GLIS3: variants seen among roughly 807,000 people sequenced by gnomAD.
GLIS3 encodes the protein GLIS family zinc finger 3.
Under a neutral mutation model 78.6 loss-of-function variants are expected in GLIS3, and 53 were observed. The ratio of observed to expected loss-of-function variants is 0.67; its 90% CI spans 0.54 to 0.85. The LOEUF is 0.85. Among genes scored for constraint, GLIS3 ranks in the 40% least tolerant of loss-of-function variants. GLIS3 has a pLI of 0.00. For synonymous variants in GLIS3, 684 were observed against 509.9 expected (o/e 1.34, Z -4.60); for missense variants, 1,703 against 1,231.1 (o/e 1.38, Z -5.74).
chr9:4,427,478 T>C, the GLIS3 span, among the ~76,000 whole-genome samples: 2 of 152,140 alleles, frequency 1.3e-5, no homozygotes, highest in South Asian at 2.1e-4. Flanking sequence ...CACTCTTATA[T>C]TCCTTGAGCC....
At chr9:4,409,566 T>C in the GLIS3 span, among the ~76,000 whole-genome samples, 1 of 152,162 alleles carries the variant, frequency 6.6e-6, no homozygotes, top group Non-Finnish European at 1.5e-5. Flanking sequence ...TTATGGAACA[T>C]ACACAATGAG....
intron 4 of GLIS3, among the ~76,000 whole-genome samples, chr9:3,965,038 T>C (rs2130897230): frequency 6.6e-6 from 1 of 152,022 alleles, no homozygotes; most frequent in East Asian, 1.9e-4. Context: ...TGAAATAAAA[T>C]ACTCTGAGGG....
chr9:4,077,492 G>C (rs530328873), intron 4 of GLIS3, among the ~76,000 whole-genome samples: 4 of 152,314 alleles, frequency 2.6e-5, no homozygotes, highest in Admixed American at 2.0e-4. Context: ...AAAAAGGAAA[G>C]AGATTTTGTT....
At position 4,286,248 on chromosome 9, in the gene GLIS3, G is replaced by T. The variant is rs778971209; in HGVS notation, c.178C>A (p.Leu60Ile). Residue 60 changes from leucine (L) to isoleucine (I), a missense_variant, in exon 2 of 11, where the codon CTC (leucine) becomes ATC (isoleucine). By Grantham distance (5) the Leu-to-Ile change is conservative (BLOSUM62 2). Coordinates refer to ENST00000381971, the MANE Select transcript of GLIS3 (RefSeq NM_001042413.2). ...TMASLANNLH[L>I]KMPSGGGMAP... ...ATCCCTCCTCCTGAGGGCATCTTGA[G>T]ATGGAGGTTGTTAGCAAGGCTTGCC... 1 of 1,614,124 alleles carries T rather than the reference G, an allele frequency of 6.2e-7. No individual in the cohort carries two copies. The highest frequency in any genetic ancestry group is 8.5e-7 in the Non-Finnish European group (1 of 1,180,048).
chr9:4,157,527 C>A (rs7027521), intron 2 of GLIS3, among the ~76,000 whole-genome samples: 1 of 151,904 alleles, frequency 6.6e-6, no homozygotes, highest in African/African-American at 2.4e-5. Flanking sequence ...AGGGAACGAT[C>A]TATCATTCAA....
At chr9:4,135,236 A>G in intron 2 of GLIS3, among the ~76,000 whole-genome samples, 1 of 152,202 alleles carries the variant, frequency 6.6e-6, no homozygotes, top group East Asian at 1.9e-4. Flanking sequence ...AAATTTAAAA[A>G]TAATATGTAT....
intron 2 of GLIS3, among the ~76,000 whole-genome samples, chr9:4,345,582 T>C (rs10758609): frequency 0.99 from 150,227 of 152,316 alleles, 74,118 homozygotes; most frequent in Middle Eastern, 1. Flanking sequence ...ACAGGTTCCA[T>C]GTATCTTACC....
intron 4 of GLIS3, among the ~76,000 whole-genome samples, chr9:4,097,616 T>C (rs1434252880): frequency 1.3e-5 from 2 of 152,200 alleles, no homozygotes; most frequent in East Asian, 3.8e-4. Flanking sequence ...CTTCGCATAC[T>C]GACCAAAATA....
At chr9:4,075,567 C>G (rs182148845) in intron 4 of GLIS3, among the ~76,000 whole-genome samples, 1 of 152,224 alleles carries the variant, frequency 6.6e-6, no homozygotes, top group African/African-American at 2.4e-5. Flanking sequence ...CAGAGCGAGA[C>G]TCCGTCTCAA....
At chr9:4,124,523 C>T (rs1360355812) in intron 3 of GLIS3, among the ~76,000 whole-genome samples, 1 of 152,220 alleles carries the variant, frequency 6.6e-6, no homozygotes, top group Non-Finnish European at 1.5e-5. Flanking sequence ...TTACATGCAG[C>T]ACTCAGCAAG....
chr9:3,929,949 T>C (rs1825509606), intron 6 of GLIS3, among the ~76,000 whole-genome samples: 1 of 152,184 alleles, frequency 6.6e-6, no homozygotes, highest in South Asian at 2.1e-4. Flanking sequence ...AATTAGAATC[T>C]CTCCAAGGTC....
At chr9:4,310,270 T>C (rs916595151) in intron 3 of GLIS3, 1 of 152,168 alleles carries the variant, frequency 6.6e-6, no homozygotes, top group Non-Finnish European at 1.5e-5. Flanking sequence ...GAAATATATA[T>C]AAAAATATAA....
intron 2 of GLIS3, among the ~76,000 whole-genome samples, chr9:4,272,011 C>T (rs1298123893): frequency 1.3e-5 from 2 of 152,136 alleles, no homozygotes; most frequent in Admixed American, 1.3e-4. Context: ...AGAAAATGAG[C>T]TCCAGGCCAT....
intron 4 of GLIS3, among the ~76,000 whole-genome samples, chr9:3,945,100 T>C (rs1816202378): frequency 6.6e-6 from 1 of 152,122 alleles, no homozygotes; most frequent in South Asian, 2.1e-4. Context: ...AGGCCCCACC[T>C]CTCAGCACTG....
chr9:4,400,278 T>C, the GLIS3 span, among the ~76,000 whole-genome samples: 2 of 152,178 alleles, frequency 1.3e-5, no homozygotes, highest in African/African-American at 4.8e-5. Flanking sequence ...TAGGAGGCAG[T>C]TGAAATAATA....
At chr9:4,468,157 G>T in the GLIS3 span, among the ~76,000 whole-genome samples, 1 of 152,184 alleles carries the variant, frequency 6.6e-6, no homozygotes, top group Non-Finnish European at 1.5e-5. Flanking sequence ...CCAAATATCT[G>T]ATTGGTGTAC....
intron 2 of GLIS3, among the ~76,000 whole-genome samples, chr9:4,202,282 C>G (rs778980469): frequency 6.6e-6 from 1 of 150,652 alleles, no homozygotes; most frequent in East Asian, 2.0e-4. Context: ...TCCCGAGTAG[C>G]TGGGACTACA....
chr9:4,382,152 A>G, the GLIS3 span, among the ~76,000 whole-genome samples: 2 of 152,278 alleles, frequency 1.3e-5, no homozygotes, highest in Admixed American at 1.3e-4. Flanking sequence ...TCTGTAGTAA[A>G]TCCCTTTTAT....
At chr9:4,316,963 G>C (rs542774615) in intron 2 of GLIS3, among the ~76,000 whole-genome samples, 1 of 151,810 alleles carries the variant, frequency 6.6e-6, no homozygotes, top group African/African-American at 2.4e-5. Context: ...TTTTTAATAT[G>C]TTTTGCTTAA....
Sources: gnomAD v4.1 joint callset for allele counts (sites outside exome capture counted in the v4.1 genomes callset) on GRCh38, gnomAD v4.1.1 for gene constraint, MANE v1.5 for transcripts, NCBI Gene and HGNC (gene_info 2026-07-23, HGNC 2026-07-21) for gene names.